TEAD1: variants seen among roughly 807,000 people sequenced by gnomAD.
TEAD1 encodes transcriptional enhancer factor TEF-1.
In TEAD1, 9 loss-of-function variants were observed where a neutral mutation model predicts 54.9. That is an observed-to-expected ratio of 0.16 (90% confidence interval 0.10 to 0.29). The LOEUF (loss-of-function observed/expected upper bound fraction) is 0.29, where lower values mean the gene tolerates loss of function less well. Among genes scored for constraint, TEAD1 ranks in the 10% least tolerant of loss-of-function variants. The pLI, the probability that TEAD1 is intolerant of heterozygous loss-of-function variation, is 1.00. For synonymous variants in TEAD1, 200 were observed against 187.8 expected, an observed-to-expected ratio of 1.07 and a Z score of -0.53; for missense variants, 387 against 535.9, an observed-to-expected ratio of 0.72 and a Z score of 2.74.
At chr11:12,685,423 A>G (rs1394374468) in intron 2 of TEAD1, among the ~76,000 whole-genome samples, 1 of 152,212 alleles carries the variant, frequency 6.6e-6, no homozygotes, top group East Asian at 1.9e-4. Flanking sequence ...TGTGAATCAT[A>G]TCTCATAAAG....
chr11:12,684,136 G>GC (rs1227630868), intron 2 of TEAD1, among the ~76,000 whole-genome samples: 2 of 152,072 alleles, frequency 1.3e-5, no homozygotes, highest in African/African-American at 4.8e-5. Flanking sequence ...CTGGTCTCAG[G>GC]CAAACAGATA....
At chr11:12,695,391 C>CCT (rs1210065093) in intron 2 of TEAD1, among the ~76,000 whole-genome samples, 2 of 152,092 alleles carry the variant, frequency 1.3e-5, no homozygotes, top group Non-Finnish European at 2.9e-5. Flanking sequence ...GGAGATTTTT[C>CCT]CTTATGTTAA....
chr11:12,754,847 A>C (rs906971212), intron 2 of TEAD1, among the ~76,000 whole-genome samples: 21 of 152,210 alleles, frequency 1.4e-4, no homozygotes, highest in African/African-American at 4.8e-4. Context: ...TTCTCTCCCC[A>C]ACCCCCAGAA....
At chr11:12,924,620 A>G (rs1276194307) in intron 10 of TEAD1, among the ~76,000 whole-genome samples, 1 of 152,196 alleles carries the variant, frequency 6.6e-6, no homozygotes, top group Non-Finnish European at 1.5e-5. Flanking sequence ...GCATATTTCA[A>G]AGACCTTGTG....
intron 2 of TEAD1, among the ~76,000 whole-genome samples, chr11:12,679,951 C>T (rs1309764562): frequency 6.6e-6 from 1 of 152,124 alleles, no homozygotes; most frequent in African/African-American, 2.4e-5. Flanking sequence ...CTACACACTG[C>T]TGAGTTCTCT....
intron 3 of TEAD1, among the ~76,000 whole-genome samples, chr11:12,858,354 G>T (rs1444546655): frequency 6.6e-6 from 1 of 152,040 alleles, no homozygotes; most frequent in East Asian, 1.9e-4. Flanking sequence ...TTGATTTAAA[G>T]GATTTATGTA....
intron 4 of TEAD1, chr11:12,864,596 C>T (rs1164585945): frequency 7.3e-6 from 8 of 1,100,604 alleles, no homozygotes; most frequent in Admixed American, 6.5e-5. Context: ...CAAAGAGTAG[C>T]GATTTTATAT....
intron 2 of TEAD1, among the ~76,000 whole-genome samples, chr11:12,759,538 C>T (rs926220358): frequency 6.6e-6 from 1 of 152,088 alleles, no homozygotes; most frequent in African/African-American, 2.4e-5. Context: ...GAAACTGAGG[C>T]ACATGGGGGC....
intron 3 of TEAD1, among the ~76,000 whole-genome samples, chr11:12,852,799 G>A (rs966119558): frequency 1.3e-5 from 2 of 152,154 alleles, no homozygotes; most frequent in Non-Finnish European, 2.9e-5. Flanking sequence ...AGATGTGAAA[G>A]ACATGGACTG....
intron 2 of TEAD1, among the ~76,000 whole-genome samples, chr11:12,749,314 C>T (rs1232848235): frequency 6.6e-6 from 1 of 152,136 alleles, no homozygotes; most frequent in Non-Finnish European, 1.5e-5. Flanking sequence ...TTTAATTAAT[C>T]TAAGGGGCTG....
chr11:12,850,846 G>T (rs912506341), intron 3 of TEAD1, among the ~76,000 whole-genome samples: 4 of 152,090 alleles, frequency 2.6e-5, no homozygotes, highest in African/African-American at 9.7e-5. Flanking sequence ...TTTTGGACCA[G>T]GTCTCTATGG....
At chr11:12,863,444 A>G (rs1358725904) in intron 4 of TEAD1, among the ~76,000 whole-genome samples, 4 of 152,230 alleles carry the variant, frequency 2.6e-5, no homozygotes, top group African/African-American at 9.6e-5. Context: ...TGGAGGGCTG[A>G]AGAGGATGGG....
At chr11:12,773,872 A>G (rs1330245788) in intron 3 of TEAD1, among the ~76,000 whole-genome samples, 2 of 152,166 alleles carry the variant, frequency 1.3e-5, no homozygotes, top group Non-Finnish European at 2.9e-5. Flanking sequence ...GCCTAGCCCT[A>G]GGTCCTGAAA....
At chr11:12,771,695 T>C (rs1169002426) in intron 3 of TEAD1, among the ~76,000 whole-genome samples, 1 of 152,114 alleles carries the variant, frequency 6.6e-6, no homozygotes, top group Non-Finnish European at 1.5e-5. Flanking sequence ...TGCCTAGAGC[T>C]CAGTCAGATT....
chr11:12,796,687 C>T (rs1310063280), intron 3 of TEAD1, among the ~76,000 whole-genome samples: 1 of 151,512 alleles, frequency 6.6e-6, no homozygotes, highest in Non-Finnish European at 1.5e-5. Context: ...GATCGCACCA[C>T]TGCACTGCAG....
intron 3 of TEAD1, among the ~76,000 whole-genome samples, chr11:12,793,235 C>T (rs980860971): frequency 6.6e-6 from 1 of 151,504 alleles, no homozygotes; most frequent in Non-Finnish European, 1.5e-5. Flanking sequence ...GAGTGAGATA[C>T]ATAATTATTT....
At chr11:12,884,673 G>A (rs535613958) in intron 9 of TEAD1, among the ~76,000 whole-genome samples, 1 of 152,238 alleles carries the variant, frequency 6.6e-6, no homozygotes, top group East Asian at 1.9e-4. Flanking sequence ...TCCAAATTAG[G>A]GGGAAAAATG....
intron 2 of TEAD1, among the ~76,000 whole-genome samples, chr11:12,710,599 AATTT>A (rs1187343996): frequency 8.5e-5 from 13 of 152,142 alleles, no homozygotes; most frequent in Admixed American, 2.0e-4. Flanking sequence ...TCTTTATTAT[AATTT>A]ATTTAATCAA....
intron 3 of TEAD1, among the ~76,000 whole-genome samples, chr11:12,782,064 C>A (rs541910229): frequency 8.6e-5 from 13 of 151,550 alleles, no homozygotes; most frequent in Non-Finnish European, 1.8e-4. Context: ...GTGGGAGGAT[C>A]ACCTGAGCCT....
Sources: gnomAD v4.1 joint callset for allele counts (sites outside exome capture counted in the v4.1 genomes callset) on GRCh38, gnomAD v4.1.1 for gene constraint, MANE v1.5 for transcripts, NCBI Gene and HGNC (gene_info 2026-07-23, HGNC 2026-07-21) for gene names.